CBR4: variants seen among roughly 807,000 people sequenced by gnomAD.
The protein encoded by CBR4 is 3-oxoacyl-[acyl-carrier-protein] reductase.
A neutral mutation model predicts 21.0 loss-of-function variants in CBR4; 22 were observed. The observed-to-expected ratio is 1.05, with a 90% CI of 0.75 to 1.50. The LOEUF is 1.50. Ranked by LOEUF, CBR4 falls within the 40% of genes most tolerant of loss-of-function variation. CBR4 has a pLI of 0.00. For synonymous variants in CBR4, 100 were observed against 104.4 expected, an observed-to-expected ratio of 0.96 and a Z score of 0.26; for missense variants, 302 against 286.3, an observed-to-expected ratio of 1.05 and a Z score of -0.40.
chr4:169,007,588 A>T (rs1229808800), intron 2 of CBR4, 48 bp downstream of exon 2: 2 of 1,218,048 alleles, frequency 1.6e-6, no homozygotes, highest in African/African-American at 1.6e-5. Context: ...ATTAGGAATA[A>T]AAGTTTTAAA....
In CBR4 at chr4:169,009,837, T is replaced by TC. The variant is rs1731255047; in HGVS notation, c.142+110dup. 7 of 1,034,520 alleles carry TC rather than the reference T, an allele frequency of 6.8e-6. No homozygotes were observed. In the South Asian group the frequency reaches 1.0e-4, roughly 15 times the overall value. The allele number at this position is 1,034,520 out of a possible 1,614,324, so 64.1% of individuals were successfully genotyped here. ...GGGAGAGCGCCTGCACGCGGCTACA[T>TC]CGAGTAACCCTAGAGCCCTAAAGGC... On this transcript the variant is annotated intron_variant, in intron 1 of 4. Transcript: ENST00000306193.
chr4:169,005,103 T>C (rs1417636102), intron 3 of CBR4: 5 of 151,840 alleles, frequency 3.3e-5, no homozygotes, highest in Admixed American at 1.3e-4. Context: ...GGCCAATTAA[T>C]AACAAAGGAA....
chr4:168,908,818 AAGC>A (rs1482155666), intron 2 of CBR4, among the ~76,000 whole-genome samples: 3 of 152,186 alleles, frequency 2.0e-5, no homozygotes, highest in Non-Finnish European at 4.4e-5. Context: ...TAATTACAGA[AAGC>A]AGCCAAGAGA....
intron 2 of CBR4, among the ~76,000 whole-genome samples, chr4:168,976,452 C>A (rs961850803): frequency 1.3e-5 from 2 of 152,194 alleles, no homozygotes; most frequent in Admixed American, 1.3e-4. Context: ...TGGGCTGAGT[C>A]TGAAAAAGGA....
Position 168,921,769 on chromosome 4 carries a change from C to G in CBR4, n.170-27004G>C, listed in dbSNP as rs114820369. 8.6e-4 allele frequency: 1,314 copies of G among 1,529,640 alleles called. 13 individuals are homozygous for G. In the African/African-American group the frequency reaches 0.015, roughly 18 times the overall value. The allele number at this position is 1,529,640 out of a possible 1,614,324, so 94.8% of individuals were successfully genotyped here. ...AGGCTCATCTGTGAATCCTTGCTCTCTGACAGAATGAACATCAGACTTACA... is the reference window on the plus strand; with the variant it reads ...AGGCTCATCTGTGAATCCTTGCTCTGTGACAGAATGAACATCAGACTTACA... On this transcript the variant is annotated intron_variant and non_coding_transcript_variant, in intron 2 of 3. Coordinates refer to the CBR4 transcript ENST00000509108.
rs2151217010 is a variant in CBR4, at chr4:168,894,567, TAC to T, written n.365+1_365+2del. On this transcript the variant is annotated splice_donor_variant and non_coding_transcript_variant, in intron 3 of 3. Coordinates refer to the CBR4 transcript ENST00000509108. Reference sequence around the variant, plus strand: ...TTCTAATTTTGTATTTTTTGTGACTTACGTTGTTTAGAGGTTAACATACGAAG... The same window carrying T: ...TTCTAATTTTGTATTTTTTGTGACTTGTTGTTTAGAGGTTAACATACGAAG... 1 of 1,581,854 alleles carries T rather than the reference TAC, an allele frequency of 6.3e-7. No homozygotes were observed. Among genetic ancestry groups the T allele is most frequent in the Admixed American group, 1.7e-5 (1 of 59,946 alleles).
At chr4:168,992,726 T>C (rs1338832143) in intron 4 of CBR4, among the ~76,000 whole-genome samples, 1 of 152,168 alleles carries the variant, frequency 6.6e-6, no homozygotes, top group South Asian at 2.1e-4. Flanking sequence ...TAATGATTTT[T>C]ATTTTCTTTA....
rs1764789221 is a variant in CBR4, at chr4:168,988,968, T to C, written c.*1182A>G. On this transcript the variant is annotated 3_prime_UTR_variant, in exon 5 of 5. Coordinates refer to ENST00000306193, the MANE Select transcript of CBR4 (RefSeq NM_032783.5). ...AGTGACACTGAAAATATCATACTAT[T>C]CCCGATAAAAAGAGTTTAATGCAAA... is the stretch of plus-strand genomic sequence containing the variant. 1.2e-5 allele frequency: 12 copies of C among 983,614 alleles called. No homozygotes were observed. Among genetic ancestry groups the C allele is most frequent in the Non-Finnish European group, 1.4e-5 (12 of 828,330 alleles). 60.9% of individuals were successfully genotyped at this position (983,614 alleles called of 1,614,324 possible).
intron 2 of CBR4, among the ~76,000 whole-genome samples, chr4:168,974,797 C>A (rs1051883344): frequency 1.3e-5 from 2 of 151,932 alleles, no homozygotes; most frequent in Non-Finnish European, 2.9e-5. Flanking sequence ...GAGACTGTTT[C>A]TTCCATATCC....
At chr4:168,977,358 C>T (rs1764404104) in intron 2 of CBR4, among the ~76,000 whole-genome samples, 1 of 152,144 alleles carries the variant, frequency 6.6e-6, no homozygotes. Context: ...CAGCTTTCTC[C>T]TGATTTTCTA....
chr4:168,992,446 T>A (rs1055423768), intron 4 of CBR4, among the ~76,000 whole-genome samples: 6 of 152,160 alleles, frequency 3.9e-5, no homozygotes, highest in Admixed American at 3.9e-4. Flanking sequence ...CTTCCCACTA[T>A]GAAATCTATG....
intron 2 of CBR4, among the ~76,000 whole-genome samples, chr4:168,943,747 TAAAAATAC>T (rs1479327922): frequency 1.3e-5 from 2 of 151,968 alleles, no homozygotes; most frequent in Non-Finnish European, 2.9e-5. Context: ...CCATCTCTAC[TAAAAATAC>T]AAAAATTAGT....
At chr4:169,009,060 A>C (rs1165017364) in intron 1 of CBR4, 1 of 34,062 alleles carries the variant, frequency 2.9e-5, no homozygotes. Context: ...AAGCCCTCTC[A>C]AAAAAAAAAA....
Position 168,921,831 on chromosome 4 carries a change from A to G in CBR4, n.170-27066T>C, listed in dbSNP as rs199821023. On this transcript the variant is annotated intron_variant and non_coding_transcript_variant, in intron 2 of 3. Transcript: ENST00000509108. ...ATTCTACATTACTAACCAATACGGA[A>G]AATAAAGTATTGAAAAAATAGATTG... The G allele has an allele frequency of 7.0e-6, 7 of 1,001,938 alleles. No individual in the cohort carries two copies. In the East Asian group the frequency reaches 1.7e-4, roughly 25 times the overall value. 62.1% of individuals were successfully genotyped at this position (1,001,938 alleles called of 1,614,324 possible).
intron 4 of CBR4, among the ~76,000 whole-genome samples, chr4:168,990,681 C>T (rs998080044): frequency 6.6e-6 from 1 of 151,944 alleles, no homozygotes; most frequent in Non-Finnish European, 1.5e-5. Flanking sequence ...CTCAGCCTCC[C>T]AAAGTGCTGG....
chr4:168,924,360 C>T, intron 2 of CBR4: 2 of 1,613,912 alleles, frequency 1.2e-6, no homozygotes, highest in Non-Finnish European at 1.7e-6. Flanking sequence ...GGAGTGCCAC[C>T]ACCTCAGATA....
intron 2 of CBR4, among the ~76,000 whole-genome samples, chr4:168,910,572 A>G (rs1405598093): frequency 3.3e-5 from 5 of 152,230 alleles, no homozygotes; most frequent in African/African-American, 7.2e-5. Flanking sequence ...TGCTACAATA[A>G]TTTAACATTT....
chr4:169,001,006 A>G (rs1451057738), intron 4 of CBR4, among the ~76,000 whole-genome samples: 1 of 152,094 alleles, frequency 6.6e-6, no homozygotes, highest in Non-Finnish European at 1.5e-5. Flanking sequence ...CAGGGTCTCA[A>G]CAGGGTCTCG....
chr4:168,962,230 T>A (rs1763884514), intron 2 of CBR4, among the ~76,000 whole-genome samples: 1 of 152,180 alleles, frequency 6.6e-6, no homozygotes, highest in South Asian at 2.1e-4. Context: ...TCTCCCCTTC[T>A]TGAAAGCGAA....
Sources: allele counts gnomAD v4.1 joint callset (sites outside exome capture counted in the v4.1 genomes callset), GRCh38; gene constraint gnomAD v4.1.1; transcripts MANE v1.5; gene names NCBI Gene and HGNC (gene_info 2026-07-23, HGNC 2026-07-21).